The following ENOX1 variants were observed in gnomAD, a reference collection of about 807,000 sequenced individuals.
The protein encoded by ENOX1 is ecto-NOX disulfide-thiol exchanger 1.
Under a neutral mutation model 82.5 loss-of-function variants are expected in ENOX1, and 42 were observed. That is an observed-to-expected ratio of 0.51 (90% CI 0.40 to 0.66). The LOEUF is 0.66. ENOX1 is among the 30% of genes least tolerant of loss of function. The probability of loss-of-function intolerance (pLI) is 0.00; values close to 1 mark genes in which losing one functional copy is unlikely to be tolerated. For synonymous variants in ENOX1, 271 were observed against 282.2 expected, an observed-to-expected ratio of 0.96 and a Z score of 0.40; for missense variants, 608 against 811.6, an observed-to-expected ratio of 0.75 and a Z score of 3.05.
At chr13:43,613,938 A>T (rs2101859) in intron 2 of ENOX1, among the ~76,000 whole-genome samples, 110,765 of 151,802 alleles carry the variant, frequency 0.73, 40,579 homozygotes, top group East Asian at 0.95. Context: ...TCTCAAAAAA[A>T]AAATAAATAA....
At chr13:43,296,740 T>G (rs2046305938) in intron 12 of ENOX1, among the ~76,000 whole-genome samples, 2 of 152,148 alleles carry the variant, frequency 1.3e-5, no homozygotes, top group Admixed American at 1.3e-4. Context: ...CACCCTCGCC[T>G]CCTCTGACTT....
chr13:43,234,616 G>A (rs1287178002), intron 15 of ENOX1, among the ~76,000 whole-genome samples: 3 of 152,170 alleles, frequency 2.0e-5, no homozygotes, highest in Non-Finnish European at 4.4e-5. Flanking sequence ...GGTTGTATAT[G>A]CTTTTTATTG....
chr13:43,464,936 G>T (rs1268609396), intron 3 of ENOX1, among the ~76,000 whole-genome samples: 13 of 152,098 alleles, frequency 8.5e-5, no homozygotes, highest in Admixed American at 8.5e-4. Flanking sequence ...ATGTGTATTA[G>T]CCAAGTATTT....
intron 2 of ENOX1, among the ~76,000 whole-genome samples, chr13:43,574,319 G>A (rs909423258): frequency 2.0e-5 from 3 of 152,076 alleles, no homozygotes; most frequent in Admixed American, 6.6e-5. Context: ...TTATAAAGAC[G>A]GTAATCAGGA....
At chr13:43,689,857 AG>A (rs2086262563) in intron 1 of ENOX1, among the ~76,000 whole-genome samples, 1 of 152,036 alleles carries the variant, frequency 6.6e-6, no homozygotes, top group African/African-American at 2.4e-5. Flanking sequence ...GCTTTGCCCA[AG>A]GCTTCTTCTC....
At chr13:43,552,602 T>C (rs893142096) in intron 2 of ENOX1, among the ~76,000 whole-genome samples, 1 of 152,134 alleles carries the variant, frequency 6.6e-6, no homozygotes, top group African/African-American at 2.4e-5. Context: ...CCCCCTCTCA[T>C]TTGTTCTGAA....
intron 10 of ENOX1, 47 bp downstream of exon 10, chr13:43,326,372 A>T: frequency 6.5e-7 from 1 of 1,533,934 alleles, no homozygotes; most frequent in East Asian, 2.3e-5. Flanking sequence ...TTCTCTGCCA[A>T]TCCAGCTGTG....
intron 3 of ENOX1, among the ~76,000 whole-genome samples, chr13:43,424,219 A>C (rs1490319898): frequency 2.6e-5 from 4 of 152,236 alleles, no homozygotes. Context: ...TTGTCTTCTT[A>C]CATAAAGGAA....
At chr13:43,726,992 T>C (rs1409742840) in intron 1 of ENOX1, among the ~76,000 whole-genome samples, 2 of 152,190 alleles carry the variant, frequency 1.3e-5, no homozygotes, top group Non-Finnish European at 2.9e-5. Context: ...TCCACCCACC[T>C]TGGCCTCCCA....
chr13:43,433,225 G>GT (rs2055791949), intron 3 of ENOX1, among the ~76,000 whole-genome samples: 2 of 152,152 alleles, frequency 1.3e-5, no homozygotes, highest in African/African-American at 4.8e-5. Context: ...AAGTGAACAT[G>GT]TGTGAAGAGG....
intron 2 of ENOX1, among the ~76,000 whole-genome samples, chr13:43,576,578 T>C (rs2080435143): frequency 6.6e-6 from 1 of 152,018 alleles, no homozygotes. Context: ...TACATACTGC[T>C]ACTGAAAAAA....
intron 2 of ENOX1, among the ~76,000 whole-genome samples, chr13:43,661,736 A>G (rs2084740874): frequency 6.6e-6 from 1 of 152,188 alleles, no homozygotes; most frequent in Non-Finnish European, 1.5e-5. Flanking sequence ...TTACAGTACT[A>G]TAGATACAGG....
At chr13:43,448,310 T>A (rs1221569437) in intron 3 of ENOX1, among the ~76,000 whole-genome samples, 1 of 152,264 alleles carries the variant, frequency 6.6e-6, no homozygotes, top group Non-Finnish European at 1.5e-5. Flanking sequence ...ATTACCATTG[T>A]ACCTAAATAG....
At chr13:43,646,170 T>C (rs111269090) in intron 2 of ENOX1, among the ~76,000 whole-genome samples, 1 of 152,214 alleles carries the variant, frequency 6.6e-6, no homozygotes, top group Non-Finnish European at 1.5e-5. Context: ...AGATGAGAGC[T>C]TGTAGCCCAT....
intron 1 of ENOX1, among the ~76,000 whole-genome samples, chr13:43,712,019 T>C (rs2087756598): frequency 6.6e-6 from 1 of 151,350 alleles, no homozygotes; most frequent in South Asian, 2.1e-4. Flanking sequence ...TGAATGGTAA[T>C]GCCTAGGTTT....
rs1385629307 is a variant in ENOX1, at chr13:43,721,375, T to TA, written c.-284-53832_-284-53831insT. On this transcript the variant is annotated intron_variant, in intron 1 of 16. Coordinates refer to ENST00000690772, the MANE Select transcript of ENOX1 (RefSeq NM_001347969.2). ...AGAAAAAGCTTTTATATATTTTATA[T>TA]CTTTTTTTTTTTTTTTTTTTTGAGA... Among the ~76,000 whole-genome samples, 49 of 82,342 alleles carry TA rather than the reference T, an allele frequency of 6.0e-4. 1 individual carries two copies. The East Asian group carries it at 0.016, about 27-fold the overall frequency. 54.0% of individuals were successfully genotyped at this position (82,342 alleles called of 152,430 possible).
intron 2 of ENOX1, among the ~76,000 whole-genome samples, chr13:43,631,415 T>C (rs1274343608): frequency 1.3e-5 from 2 of 152,176 alleles, no homozygotes; most frequent in East Asian, 3.9e-4. Context: ...TTCCTGTCAG[T>C]GGTGCGGCCA....
chr13:43,766,458 C>A (rs185652368), intron 1 of ENOX1, among the ~76,000 whole-genome samples: 1 of 152,298 alleles, frequency 6.6e-6, no homozygotes, highest in East Asian at 1.9e-4. Flanking sequence ...AGTTCATTCA[C>A]TTGAGGAAGC....
At chr13:43,728,598 AG>A (rs373324015) in intron 1 of ENOX1, among the ~76,000 whole-genome samples, 197 of 152,324 alleles carry the variant, frequency 1.3e-3, no homozygotes, top group African/African-American at 4.0e-3. Context: ...TAGATTCTGA[AG>A]AAAATAAGCA....
Sources: gnomAD v4.1 joint callset for allele counts (sites outside exome capture counted in the v4.1 genomes callset) on GRCh38, gnomAD v4.1.1 for gene constraint, MANE v1.5 for transcripts, NCBI Gene and HGNC (gene_info 2026-07-23, HGNC 2026-07-21) for gene names.